RGS9: variants seen among roughly 807,000 people sequenced by gnomAD.
RGS9 encodes the protein regulator of G-protein signalling 9.
In RGS9, 78 loss-of-function variants were observed where a neutral mutation model predicts 102.0. The ratio of observed to expected loss-of-function variants is 0.76; its 90% confidence interval spans 0.64 to 0.92. The LOEUF is 0.92. Ranked by LOEUF, RGS9 falls within the 40% of genes least tolerant of loss-of-function variation. The pLI is 0.00. For synonymous variants in RGS9, 353 were observed against 318.6 expected (o/e 1.11, Z -1.15); for missense variants, 833 against 866.1 (o/e 0.96, Z 0.48).
chr17:65,148,185 C>G (rs1167974449), intron 1 of RGS9, among the ~76,000 whole-genome samples: 1 of 152,172 alleles, frequency 6.6e-6, no homozygotes, highest in Non-Finnish European at 1.5e-5. Context: ...CCTTCTGTGA[C>G]CGGCCTATTT....
chr17:65,215,979 C>T (rs936615480), intron 17 of RGS9, among the ~76,000 whole-genome samples: 1 of 152,056 alleles, frequency 6.6e-6, no homozygotes, highest in Non-Finnish European at 1.5e-5. Flanking sequence ...GGACTCATAG[C>T]GGAGCAAGCA....
intron 12 of RGS9, among the ~76,000 whole-genome samples, chr17:65,195,891 C>T (rs1912566026): frequency 6.6e-6 from 1 of 152,252 alleles, no homozygotes; most frequent in African/African-American, 2.4e-5. Context: ...CAGCGGCATC[C>T]GCAGCACCAG....
At chr17:65,221,798 C>G (rs913084799) in intron 17 of RGS9, among the ~76,000 whole-genome samples, 2 of 152,186 alleles carry the variant, frequency 1.3e-5, no homozygotes. Flanking sequence ...ACTGTGTCTT[C>G]CCACGGTGGA....
At chr17:65,176,198 G>T (rs182503218) in intron 8 of RGS9, among the ~76,000 whole-genome samples, 1 of 152,356 alleles carries the variant, frequency 6.6e-6, no homozygotes, top group Non-Finnish European at 1.5e-5. Context: ...GGAGTTGAGA[G>T]AGACCAAGTA....
intron 17 of RGS9, 23 bp downstream of exon 17, chr17:65,210,628 G>A: frequency 1.9e-6 from 3 of 1,613,020 alleles, no homozygotes; most frequent in Non-Finnish European, 2.5e-6. Context: ...CTGGACCGCA[G>A]GAGCCAACTC....
At chr17:65,197,868 A>G (rs1038378978) in intron 13 of RGS9, among the ~76,000 whole-genome samples, 5 of 151,846 alleles carry the variant, frequency 3.3e-5, no homozygotes, top group African/African-American at 1.2e-4. Flanking sequence ...ATGGGGTTTC[A>G]CCATATTGGC....
intron 1 of RGS9, among the ~76,000 whole-genome samples, chr17:65,152,687 C>G (rs930946746): frequency 6.6e-6 from 1 of 152,144 alleles, no homozygotes; most frequent in African/African-American, 2.4e-5. Flanking sequence ...TGTACCACCA[C>G]GCCCAGATAA....
At chr17:65,216,804 C>T (rs1000166441) in intron 17 of RGS9, among the ~76,000 whole-genome samples, 6 of 152,154 alleles carry the variant, frequency 3.9e-5, no homozygotes, top group South Asian at 2.1e-4. Flanking sequence ...ATCGAGTTTG[C>T]ATTTTAGCTG....
At chr17:65,224,925 G>T in intron 17 of RGS9, 77 bp from the exon 18 acceptor site, 1 of 1,589,834 alleles carries the variant, frequency 6.3e-7, no homozygotes. Context: ...GACTAAGTTA[G>T]CAGAGGACAG....
chr17:65,157,125 T>A (rs1351728152), intron 2 of RGS9, among the ~76,000 whole-genome samples: 1 of 135,688 alleles, frequency 7.4e-6, no homozygotes, highest in African/African-American at 3.1e-5. Flanking sequence ...TATCCAGACA[T>A]AAGAACACAG....
intron 8 of RGS9, among the ~76,000 whole-genome samples, chr17:65,172,903 A>ATTTC (rs979136654): frequency 2.0e-5 from 3 of 151,358 alleles, no homozygotes; most frequent in African/African-American, 7.3e-5. Context: ...CCTCATCTCT[A>ATTTC]TTTCTTTTTT....
intron 7 of RGS9, among the ~76,000 whole-genome samples, chr17:65,164,622 G>A (rs191223921): frequency 6.6e-6 from 1 of 152,234 alleles, no homozygotes; most frequent in African/African-American, 2.4e-5. Flanking sequence ...TTATGGGAGA[G>A]CTGGTCCGGG....
At chr17:65,137,637 G>A in intron 1 of RGS9, 40 bp downstream of exon 1, 1 of 1,606,058 alleles carries the variant, frequency 6.2e-7, no homozygotes, top group East Asian at 2.2e-5. Flanking sequence ...GAGGAGGGCG[G>A]GGGACCGCAT....
chr17:65,224,464 C>G (rs1905525518), intron 17 of RGS9, among the ~76,000 whole-genome samples: 1 of 152,218 alleles, frequency 6.6e-6, no homozygotes, highest in African/African-American at 2.4e-5. Flanking sequence ...AAAGGGTGGT[C>G]ACTGTGGATA....
intron 9 of RGS9, among the ~76,000 whole-genome samples, chr17:65,179,774 G>T (rs1162093903): frequency 1.3e-5 from 2 of 151,688 alleles, no homozygotes; most frequent in Non-Finnish European, 2.9e-5. Flanking sequence ...TTCTGAGGAG[G>T]GTGACCAGAT....
intron 8 of RGS9, among the ~76,000 whole-genome samples, chr17:65,177,120 ACT>A (rs1911667011): frequency 7.5e-6 from 1 of 133,028 alleles, no homozygotes; most frequent in East Asian, 2.4e-4. Context: ...CATCCATCTC[ACT>A]ATGGTGCTGG....
intron 16 of RGS9, 53 bp from the exon 17 acceptor site, chr17:65,210,435 G>T: frequency 6.3e-7 from 1 of 1,597,968 alleles, no homozygotes; most frequent in Non-Finnish European, 8.6e-7. Flanking sequence ...CAGGGTCAGT[G>T]TTGGGCAAGC....
Position 65,207,912 on chromosome 17 carries a change from T to A in RGS9, c.1204-10T>A, listed in dbSNP as rs573193752. 6.3e-7 allele frequency: 1 copy of A among 1,597,662 alleles called. No homozygotes were observed. The highest frequency in any genetic ancestry group is 1.3e-5 in the African/African-American group (1 of 74,678). On this transcript the variant is annotated splice_polypyrimidine_tract_variant and intron_variant, in intron 15 of 18. Transcript: ENST00000262406. Reference sequence around the variant, plus strand: ...TCTCATAATTACTGTTGTTTTCTTGTTCCCACTAGGATTCTTATGCTCGCT... The same window carrying A: ...TCTCATAATTACTGTTGTTTTCTTGATCCCACTAGGATTCTTATGCTCGCT...
At chr17:65,189,031 A>G (rs1465057862) in intron 9 of RGS9, 1 of 562,870 alleles carries the variant, frequency 1.8e-6, no homozygotes, top group East Asian at 3.0e-5. Context: ...TCCTTAATTG[A>G]TCTTGGCCTT....
Sources: allele counts gnomAD v4.1 joint callset (sites outside exome capture counted in the v4.1 genomes callset), GRCh38; gene constraint gnomAD v4.1.1; transcripts MANE v1.5; gene names NCBI Gene and HGNC (gene_info 2026-07-23, HGNC 2026-07-21).